Variants in TMOD3 observed in about 807,000 individuals in gnomAD.
The protein encoded by TMOD3 is tropomodulin 3.
In TMOD3, 20 loss-of-function variants were observed where a neutral mutation model predicts 39.2. That is an observed-to-expected ratio of 0.51 (90% CI 0.36 to 0.74). The LOEUF is 0.74. Ranked by LOEUF, TMOD3 falls within the 30% of genes least tolerant of loss-of-function variation. The probability of loss-of-function intolerance (pLI) is 0.00; values close to 1 mark genes in which losing one functional copy is unlikely to be tolerated. For synonymous variants in TMOD3, 143 were observed against 145.8 expected (o/e 0.98, Z 0.14); for missense variants, 381 against 412.8 (o/e 0.92, Z 0.67).
intron 1 of TMOD3, among the ~76,000 whole-genome samples, chr15:51,851,783 CTG>C (rs2056363314): frequency 6.6e-6 from 1 of 152,164 alleles, no homozygotes; most frequent in Non-Finnish European, 1.5e-5. Context: ...CAGCCAACCG[CTG>C]TGTTTCCAAA....
intron 3 of TMOD3, among the ~76,000 whole-genome samples, chr15:51,882,887 A>G (rs1261019257): frequency 6.6e-6 from 1 of 152,142 alleles, no homozygotes; most frequent in Non-Finnish European, 1.5e-5. Context: ...AGAGCCCCTT[A>G]AGTTCTGTAT....
intron 7 of TMOD3, among the ~76,000 whole-genome samples, chr15:51,898,067 A>G (rs967123341): frequency 5.3e-5 from 8 of 152,226 alleles, no homozygotes; most frequent in South Asian, 2.1e-4. Context: ...CCTCATTCCT[A>G]TTCGGATAAC....
chr15:51,854,595 G>A (rs1480895317), intron 1 of TMOD3, among the ~76,000 whole-genome samples: 1 of 152,174 alleles, frequency 6.6e-6, no homozygotes, highest in Non-Finnish European at 1.5e-5. Context: ...TATAAAGCTT[G>A]AAGAAAATAA....
chr15:51,831,698 C>T (rs1313223735), intron 1 of TMOD3, among the ~76,000 whole-genome samples: 1 of 151,730 alleles, frequency 6.6e-6, no homozygotes, highest in African/African-American at 2.4e-5. Context: ...AAGTTTTTCT[C>T]CTTCTTTCCT....
chr15:51,871,741 G>A (rs2056475888), intron 3 of TMOD3, among the ~76,000 whole-genome samples: 1 of 152,084 alleles, frequency 6.6e-6, no homozygotes, highest in Non-Finnish European at 1.5e-5. Flanking sequence ...GGGTGACATA[G>A]GAAAAAGTGC....
At chr15:51,907,434 G>A (rs1036877828) in intron 9 of TMOD3, 10 of 152,192 alleles carry the variant, frequency 6.6e-5, no homozygotes, top group Non-Finnish European at 8.8e-5. Context: ...CAAGCACCCA[G>A]CCTATGGCTG....
In TMOD3 at chr15:51,915,476, C is replaced by A. The variant is rs1163742183; in HGVS notation, c.*6666C>A. ...ATCATTTGAATGTCATTCATTGTCA[C>A]ATGAAATCAGGTATTTACGTTTTTT... On this transcript the variant is annotated 3_prime_UTR_variant, in exon 10 of 10. Transcript: ENST00000308580. The A allele has an allele frequency of 6.6e-6, 1 of 152,108 alleles. No individual in the cohort carries two copies. The highest frequency in any genetic ancestry group is 1.5e-5 in the Non-Finnish European group (1 of 68,028). 9.4% of individuals were successfully genotyped at this position (152,108 alleles called of 1,614,324 possible).
At chr15:51,853,833 A>G (rs1314884952) in intron 1 of TMOD3, among the ~76,000 whole-genome samples, 1 of 151,920 alleles carries the variant, frequency 6.6e-6, no homozygotes, top group Admixed American at 6.6e-5. Context: ...ATCATTAAGG[A>G]AATCATTAAT....
rs1163382477 is a variant in TMOD3 at position 51,848,695 on chromosome 15, T to C, written c.-74-14116T>C. Reference sequence around the variant, plus strand: ...CCAAAGGGAATATTTTGATCCTAACTACTATTAATATGTGTCAACACTGAA... The same window carrying C: ...CCAAAGGGAATATTTTGATCCTAACCACTATTAATATGTGTCAACACTGAA... On this transcript the variant is annotated intron_variant, in intron 1 of 9. Coordinates refer to ENST00000308580, the MANE Select transcript of TMOD3 (RefSeq NM_014547.5). Among the ~76,000 whole-genome samples the C allele has an allele frequency of 2.0e-5, 3 of 152,274 alleles. No homozygotes were observed. The East Asian group carries it at 5.8e-4, about 29-fold the overall frequency.
At chr15:51,901,288 G>T (rs2056648835) in intron 8 of TMOD3, 1 of 152,364 alleles carries the variant, frequency 6.6e-6, no homozygotes, top group Non-Finnish European at 1.5e-5. Flanking sequence ...CTCTAACATG[G>T]ACATAGATTT....
intron 8 of TMOD3, chr15:51,901,355 T>C (rs1362489710): frequency 6.5e-6 from 1 of 153,634 alleles, no homozygotes; most frequent in Non-Finnish European, 1.4e-5. Flanking sequence ...GGTAACTCTA[T>C]GTTTAACTTT....
intron 1 of TMOD3, chr15:51,834,986 T>C (rs1013152504): frequency 6.6e-6 from 1 of 152,248 alleles, no homozygotes; most frequent in Non-Finnish European, 1.5e-5. Context: ...TTTATGCTCC[T>C]CTTCCAGATT....
chr15:51,833,203 A>G (rs1486613695), intron 1 of TMOD3: 20 of 152,244 alleles, frequency 1.3e-4, no homozygotes, highest in Admixed American at 1.3e-3. Flanking sequence ...TCTGTTATCT[A>G]TATGTGTCTG....
intron 1 of TMOD3, chr15:51,860,594 A>G: frequency 1.8e-6 from 1 of 556,050 alleles, no homozygotes; most frequent in Non-Finnish European, 3.6e-6. Flanking sequence ...CCAACATGGC[A>G]GAGAATACCT....
rs1373665434 is a variant in TMOD3 at position 51,913,467 on chromosome 15, C to G, written c.*4657C>G. The G allele has an allele frequency of 6.6e-6, 1 of 152,132 alleles. No individual in the cohort carries two copies. The highest frequency in any genetic ancestry group is 1.5e-5 in the Non-Finnish European group (1 of 68,022). 9.4% of individuals were successfully genotyped at this position (152,132 alleles called of 1,614,324 possible). A position where few individuals can be genotyped will look rare whatever the true frequency, so the allele number is the denominator to read the frequency against. ...ATCCAAAATAATTTGAAATCTGAAA[C>G]ACTTAATGGTCCCAGCATGTTGGAT... On this transcript the variant is annotated 3_prime_UTR_variant, in exon 10 of 10. Coordinates refer to ENST00000308580, the MANE Select transcript of TMOD3 (RefSeq NM_014547.5).
intron 3 of TMOD3, 112 bp from the exon 4 acceptor site, chr15:51,887,477 C>T (rs1029791875): frequency 2.4e-5 from 27 of 1,109,884 alleles, no homozygotes; most frequent in African/African-American, 8.1e-5. Context: ...AAATTACTGT[C>T]GATGTTAATC....
intron 5 of TMOD3, among the ~76,000 whole-genome samples, chr15:51,891,656 A>G (rs2056593977): frequency 6.6e-6 from 1 of 151,928 alleles, no homozygotes; most frequent in Admixed American, 6.6e-5. Context: ...TCCCCATTCC[A>G]TCTTTCCCCA....
intron 1 of TMOD3, among the ~76,000 whole-genome samples, chr15:51,840,416 A>C (rs2141668849): frequency 6.6e-6 from 1 of 152,342 alleles, no homozygotes; most frequent in Middle Eastern, 3.4e-3. Flanking sequence ...CATTGATCAC[A>C]TGCTCTGTGT....
chr15:51,846,511 G>A (rs1361332184), intron 1 of TMOD3, among the ~76,000 whole-genome samples: 9 of 152,160 alleles, frequency 5.9e-5, no homozygotes, highest in Admixed American at 5.2e-4. Flanking sequence ...TTACTAACTT[G>A]GTGGATTAAG....
Sources: allele counts gnomAD v4.1 joint callset (sites outside exome capture counted in the v4.1 genomes callset), GRCh38; gene constraint gnomAD v4.1.1; transcripts MANE v1.5; gene names NCBI Gene and HGNC (gene_info 2026-07-23, HGNC 2026-07-21).